The following CHUK variants were observed in gnomAD, a reference collection of about 807,000 sequenced individuals.
CHUK encodes the protein inhibitor of nuclear factor kappa-B kinase subunit alpha.
In CHUK, 35 loss-of-function variants were observed where a neutral mutation model predicts 104.8. The observed-to-expected ratio is 0.33, with a 90% CI of 0.26 to 0.44. The LOEUF (loss-of-function observed/expected upper bound fraction) is 0.44. Among genes scored for constraint, CHUK ranks in the 20% least tolerant of loss-of-function variants. CHUK has a pLI of 1.00. For missense variants in CHUK, 663 were observed against 902.7 expected, an observed-to-expected ratio of 0.73 and a Z score of 3.40; for synonymous variants, 276 against 291.9, an observed-to-expected ratio of 0.95 and a Z score of 0.56.
At chr10:100,214,279 C>A (rs1317347167) in intron 9 of CHUK, among the ~76,000 whole-genome samples, 1 of 152,104 alleles carries the variant, frequency 6.6e-6, no homozygotes, top group Non-Finnish European at 1.5e-5. Flanking sequence ...TTGGTACATA[C>A]TATTAAGTGT....
intron 9 of CHUK, among the ~76,000 whole-genome samples, chr10:100,211,932 G>A (rs1589590882): frequency 6.7e-6 from 1 of 149,958 alleles, no homozygotes; most frequent in South Asian, 2.1e-4. Flanking sequence ...GCAGGCTGAT[G>A]TGCAGTGGCA....
intron 19 of CHUK, chr10:100,192,793 T>C (rs1845234475): frequency 1.5e-5 from 14 of 920,922 alleles, no homozygotes; most frequent in Non-Finnish European, 1.8e-5. Flanking sequence ...CAAAACTGAT[T>C]TAAAACACTG....
rs1845142791 is a variant in CHUK at position 100,189,426 on chromosome 10, T to G, written c.*172A>C. ...TTTAGAGGCTTGAATTACTCAAAAC[T>G]GTTATACTTGTAAAATCATGTTCTT... is the stretch of plus-strand genomic sequence containing the variant. On this transcript the variant is annotated 3_prime_UTR_variant, in exon 21 of 21. Transcript: ENST00000370397. The G allele has an allele frequency of 9.6e-6, 6 of 627,794 alleles. No homozygotes were observed. The highest frequency in any genetic ancestry group is 2.7e-5 in the East Asian group (1 of 36,488). 38.9% of individuals were successfully genotyped at this position (627,794 alleles called of 1,614,324 possible).
chr10:100,208,284 T>G (rs909123245), intron 10 of CHUK, among the ~76,000 whole-genome samples: 1 of 152,128 alleles, frequency 6.6e-6, no homozygotes, highest in Non-Finnish European at 1.5e-5. Context: ...TTTTTGTAGT[T>G]TTTGTAGAGA....
chr10:100,193,235 C>T lies in CHUK; in HGVS notation c.2108+63G>A, dbSNP rs142934281. 59 of 1,570,126 alleles carry T rather than the reference C, an allele frequency of 3.8e-5. No homozygotes were observed. In the African/African-American group the frequency reaches 7.7e-4, roughly 20 times the overall value. Reference sequence around the variant, plus strand: ...GCACAGAAGACTACCTTAACAACTACTGCCTCATTCCTATACCACTGCTAT... The same window carrying T: ...GCACAGAAGACTACCTTAACAACTATTGCCTCATTCCTATACCACTGCTAT... On this transcript the variant is annotated intron_variant, in intron 19 of 20. Coordinates refer to ENST00000370397, the MANE Select transcript of CHUK (RefSeq NM_001278.5).
chr10:100,207,860 T>TA (rs17886108), intron 10 of CHUK, among the ~76,000 whole-genome samples: 18 of 151,590 alleles, frequency 1.2e-4, no homozygotes, highest in South Asian at 8.4e-4. Context: ...AAATTTACTT[T>TA]AAAAAAAAAT....
At chr10:100,215,566 T>C (rs1331065730) in intron 9 of CHUK, among the ~76,000 whole-genome samples, 1 of 152,200 alleles carries the variant, frequency 6.6e-6, no homozygotes, top group Non-Finnish European at 1.5e-5. Context: ...TCATCATTAT[T>C]TTTAGTGGTA....
intron 10 of CHUK, among the ~76,000 whole-genome samples, chr10:100,208,480 C>T (rs17881516): frequency 0.027 from 4,130 of 152,166 alleles, 72 homozygotes; most frequent in Middle Eastern, 0.048. Context: ...TGTTTCAGCA[C>T]GACTGAGTGG....
Position 100,207,275 on chromosome 10 carries a change from C to T in CHUK, c.1186G>A (p.Gly396Arg). ...LFDKSKTVYEGPFASRSLSDC... is the reference protein window; with the variant it reads ...LFDKSKTVYERPFASRSLSDC... ...GATAAACTTCTGGAAGCAAATGGCC[C>T]TTCATATACAGTTTTACTTTTATCA... Residue 396 changes from glycine to arginine, a missense_variant, in exon 11 of 21, where the codon GGG (glycine) becomes AGG (arginine). Transcript: ENST00000370397. 1 of 1,581,814 alleles carries T rather than the reference C, an allele frequency of 6.3e-7. No individual in the cohort carries two copies. The highest frequency in any genetic ancestry group is 8.7e-7 in the Non-Finnish European group (1 of 1,151,554).
At chr10:100,209,912 A>G in intron 9 of CHUK, 123 bp from the exon 10 acceptor site, 1 of 583,330 alleles carries the variant, frequency 1.7e-6, no homozygotes, top group Admixed American at 3.0e-5. Flanking sequence ...AGGCTCACTC[A>G]TTCTCCAAAG....
At chr10:100,195,245 A>T (rs7358099) in intron 16 of CHUK, 30,162 of 152,116 alleles carry the variant, frequency 0.2, 5,319 homozygotes, top group African/African-American at 0.48. Flanking sequence ...ATGCTGGTAT[A>T]TTCTTTGGAC....
intron 5 of CHUK, among the ~76,000 whole-genome samples, chr10:100,220,207 T>C (rs1288547066): frequency 6.6e-6 from 1 of 152,162 alleles, no homozygotes; most frequent in Non-Finnish European, 1.5e-5. Flanking sequence ...TGTGCATGTA[T>C]GTGTTTTGGA....
intron 2 of CHUK, among the ~76,000 whole-genome samples, chr10:100,224,523 G>GC (rs1404896313): frequency 6.6e-6 from 1 of 150,838 alleles, no homozygotes; most frequent in African/African-American, 2.4e-5. Flanking sequence ...CGCAACCTCC[G>GC]CCTCCCGGGT....
intron 2 of CHUK, among the ~76,000 whole-genome samples, chr10:100,225,625 T>A (rs530363726): frequency 6.6e-6 from 1 of 152,206 alleles, no homozygotes; most frequent in Non-Finnish European, 1.5e-5. Flanking sequence ...AGAAATGGAA[T>A]TGCTGGATCA....
chr10:100,194,196 A>T, intron 17 of CHUK, 65 bp from the exon 18 acceptor site: 1 of 1,563,688 alleles, frequency 6.4e-7, no homozygotes, highest in Non-Finnish European at 8.8e-7. Context: ...ATATTCCCAA[A>T]ACCCAGCTGA....
At chr10:100,200,826 C>T in intron 14 of CHUK, 46 bp from the exon 15 acceptor site, 1 of 1,033,052 alleles carries the variant, frequency 9.7e-7, no homozygotes, top group Middle Eastern at 2.0e-4. Context: ...CTTACCACTA[C>T]ATCATAGGAA....
chr10:100,213,000 C>CAA (rs11349438), intron 9 of CHUK, among the ~76,000 whole-genome samples: 7,361 of 104,442 alleles, frequency 0.07, 248 homozygotes, highest in African/African-American at 0.1. Flanking sequence ...GACTTTGTCT[C>CAA]AAAAAAAAAA....
chr10:100,215,985 T>C (rs1479280278), intron 9 of CHUK, among the ~76,000 whole-genome samples: 1 of 152,224 alleles, frequency 6.6e-6, no homozygotes, highest in African/African-American at 2.4e-5. Flanking sequence ...TACCTTATTC[T>C]GCATAACCTC....
Position 100,218,726 on chromosome 10 carries a change from G to C in CHUK, c.789C>G (p.Ser263Arg), listed in dbSNP as rs779091577. The change falls in exon 8 of 21, where the codon AGC (serine) becomes AGG (arginine). Residue 263 changes from serine (S) to arginine (R), a missense_variant. Ser to Arg is a moderately radical substitution (Grantham distance 110). Coordinates refer to ENST00000370397, the MANE Select transcript of CHUK (RefSeq NM_001278.5). ...AACTAAAATATACTTACCTACAAAGGCTATTTGGTTGAGGTAAATGGCTAC... is the reference window on the plus strand; with the variant it reads ...AACTAAAATATACTTACCTACAAAGCCTATTTGGTTGAGGTAAATGGCTAC... ...RFSSHLPQPN[S>R]LCSLVVEPME... The C allele has an allele frequency of 6.2e-7, 1 of 1,603,538 alleles. No individual in the cohort carries two copies. Among genetic ancestry groups the C allele is most frequent in the East Asian group, 2.2e-5 (1 of 44,784 alleles).
Sources: gnomAD v4.1 joint callset for allele counts (sites outside exome capture counted in the v4.1 genomes callset) on GRCh38, gnomAD v4.1.1 for gene constraint, MANE v1.5 for transcripts, NCBI Gene and HGNC (gene_info 2026-07-23, HGNC 2026-07-21) for gene names.